Variants in CSMD1 observed in about 807,000 individuals in gnomAD.
The protein encoded by CSMD1 is CUB and sushi domain-containing protein 1.
CSMD1 carries 213 observed loss-of-function variants against 417.5 expected under a neutral mutation model. The observed-to-expected ratio is 0.51, with a 90% CI of 0.46 to 0.57. The LOEUF is 0.57. Ranked by LOEUF, CSMD1 falls within the 20% of genes least tolerant of loss-of-function variation. The pLI is 0.00. For synonymous variants in CSMD1, 2,862 were observed against 1,736.8 expected, an observed-to-expected ratio of 1.65 and a Z score of -16.11; for missense variants, 6,923 against 4,529.7, an observed-to-expected ratio of 1.53 and a Z score of -15.17.
intron 1 of CSMD1, among the ~76,000 whole-genome samples, chr8:4,652,531 G>A (rs1483621660): frequency 2.0e-5 from 3 of 151,936 alleles, no homozygotes; most frequent in African/African-American, 7.3e-5. Flanking sequence ...CTGCACCTGT[G>A]ATCCCAGCTA....
intron 5 of CSMD1, among the ~76,000 whole-genome samples, chr8:3,915,010 T>A (rs1169479393): frequency 3.9e-5 from 6 of 152,110 alleles, no homozygotes; most frequent in Non-Finnish European, 5.9e-5. Context: ...CATACAAGTG[T>A]TCAGGATGAG....
At chr8:4,770,011 A>T (rs980496066) in intron 1 of CSMD1, among the ~76,000 whole-genome samples, 1 of 152,018 alleles carries the variant, frequency 6.6e-6, no homozygotes, top group Non-Finnish European at 1.5e-5. Context: ...TTGCAGAAAG[A>T]CATTATTCTG....
Position 3,788,386 on chromosome 8 carries a change from T to C in CSMD1, c.819-34344A>G, listed in dbSNP as rs539261106. 6.6e-5 allele frequency among the ~76,000 whole-genome samples: 10 copies of C among 152,226 alleles called. No individual in the cohort carries two copies. In the East Asian group the frequency reaches 9.7e-4, roughly 15 times the overall value. On this transcript the variant is annotated intron_variant, in intron 5 of 69. Transcript: ENST00000635120. ...CTCCCTGTGCCCACAGCAGCCTTCA[T>C]TGGTCACAGAAGACCCAAGTGAGGC... is the stretch of plus-strand genomic sequence containing the variant.
intron 1 of CSMD1, among the ~76,000 whole-genome samples, chr8:4,750,033 G>C (rs1188883796): frequency 6.6e-6 from 1 of 151,742 alleles, no homozygotes; most frequent in Non-Finnish European, 1.5e-5. Context: ...TTGAGATGGA[G>C]TCTCGCTCTG....
At chr8:4,539,675 T>G (rs947089916) in intron 2 of CSMD1, among the ~76,000 whole-genome samples, 1 of 152,174 alleles carries the variant, frequency 6.6e-6, no homozygotes, top group African/African-American at 2.4e-5. Context: ...TATTGTTTAT[T>G]AAGATTATAG....
At chr8:3,578,719 C>G (rs1312705810) in intron 9 of CSMD1, among the ~76,000 whole-genome samples, 2 of 152,056 alleles carry the variant, frequency 1.3e-5, no homozygotes, top group African/African-American at 4.8e-5. Context: ...AGGAGACAGC[C>G]GAGGGAAACT....
chr8:3,065,693 A>G (rs1812895911), intron 49 of CSMD1, among the ~76,000 whole-genome samples: 1 of 152,218 alleles, frequency 6.6e-6, no homozygotes, highest in African/African-American at 2.4e-5. Context: ...GCAGGAAGAC[A>G]GAGAAAGAAA....
At chr8:3,446,343 A>T (rs976385272) in intron 12 of CSMD1, among the ~76,000 whole-genome samples, 8 of 152,356 alleles carry the variant, frequency 5.3e-5, no homozygotes, top group Admixed American at 5.2e-4. Context: ...TCACAAATTT[A>T]CATAGACTGT....
At chr8:3,419,601 A>G (rs73174813) in intron 12 of CSMD1, among the ~76,000 whole-genome samples, 13,959 of 152,146 alleles carry the variant, frequency 0.092, 782 homozygotes, top group Middle Eastern at 0.16. Flanking sequence ...CGTCTGGCCA[A>G]TTGCTATAGA....
In CSMD1 at chr8:4,014,284, T is replaced by G. The variant is rs138869361; in HGVS notation, c.611-16174A>C. Among the ~76,000 whole-genome samples the G allele has an allele frequency of 2.4e-3, 358 of 152,336 alleles. 9 individuals are homozygous for G. Among genetic ancestry groups the G allele is most frequent in the Admixed American group, 0.022 (340 of 15,296 alleles). On this transcript the variant is annotated intron_variant, in intron 4 of 69. Transcript: ENST00000635120. ...GCTATATGTACAGAGACACTAATTA[T>G]GGCATTGCGTGTCGAAGTGAACATG...
chr8:4,468,326 G>A (rs927012968), intron 2 of CSMD1, among the ~76,000 whole-genome samples: 1 of 146,156 alleles, frequency 6.8e-6, no homozygotes, highest in African/African-American at 2.4e-5. Context: ...CTGGGCGATA[G>A]GCCTTTTTAA....
At chr8:3,159,195 CAG>C (rs1451070370) in intron 38 of CSMD1, among the ~76,000 whole-genome samples, 14 of 152,100 alleles carry the variant, frequency 9.2e-5, no homozygotes, top group African/African-American at 3.4e-4. Context: ...AAATTTTCAT[CAG>C]AGACTACCAA....
chr8:4,691,399 C>G (rs1806760449), intron 1 of CSMD1, among the ~76,000 whole-genome samples: 1 of 152,210 alleles, frequency 6.6e-6, no homozygotes, highest in Non-Finnish European at 1.5e-5. Flanking sequence ...AAAGCAACCA[C>G]CTTCTTGCAA....
chr8:3,325,008 C>T (rs1346511092), intron 23 of CSMD1, among the ~76,000 whole-genome samples: 2 of 151,848 alleles, frequency 1.3e-5, no homozygotes, highest in East Asian at 1.9e-4. Context: ...TGTAGAAATA[C>T]AAATAGGCTT....
At chr8:4,445,165 G>T (rs1009171437) in intron 2 of CSMD1, among the ~76,000 whole-genome samples, 3 of 152,168 alleles carry the variant, frequency 2.0e-5, no homozygotes, top group Admixed American at 1.3e-4. Flanking sequence ...GGCACTAGAA[G>T]AATCTGACAC....
chr8:3,233,323 G>A (rs75428427), intron 26 of CSMD1, among the ~76,000 whole-genome samples: 9,562 of 152,222 alleles, frequency 0.063, 410 homozygotes, highest in Non-Finnish European at 0.09. Context: ...GACCTGAGCT[G>A]GCATGCTCAG....
chr8:3,102,174 G>C (rs1252216639), intron 46 of CSMD1, among the ~76,000 whole-genome samples: 1 of 152,154 alleles, frequency 6.6e-6, no homozygotes, highest in Non-Finnish European at 1.5e-5. Flanking sequence ...TTTATTGGGA[G>C]ATGGGCCCCC....
intron 10 of CSMD1, among the ~76,000 whole-genome samples, chr8:3,545,612 G>A (rs1434926278): frequency 3.9e-5 from 6 of 152,172 alleles, no homozygotes; most frequent in Non-Finnish European, 8.8e-5. Flanking sequence ...CTCCACTGCC[G>A]TAACCCAAGT....
At chr8:3,921,583 T>A (rs1809268439) in intron 5 of CSMD1, among the ~76,000 whole-genome samples, 2 of 152,128 alleles carry the variant, frequency 1.3e-5, no homozygotes, top group South Asian at 4.1e-4. Flanking sequence ...TTGGTGTGCT[T>A]GGTTTCCATT....
Sources: gnomAD v4.1 joint callset for allele counts (sites outside exome capture counted in the v4.1 genomes callset) on GRCh38, gnomAD v4.1.1 for gene constraint, MANE v1.5 for transcripts, NCBI Gene and HGNC (gene_info 2026-07-23, HGNC 2026-07-21) for gene names.